The following TMED1 variants were observed in gnomAD, a reference collection of about 807,000 sequenced individuals.
TMED1 encodes the protein transmembrane p24 trafficking protein 1.
In TMED1, 20 loss-of-function variants were observed where a neutral mutation model predicts 21.2. That is an observed-to-expected ratio of 0.95 (90% CI 0.67 to 1.37). TMED1 has a LOEUF of 1.37. Among genes scored for constraint, TMED1 ranks in the 40% most tolerant of loss-of-function variants. The pLI, the probability that TMED1 is intolerant of heterozygous loss-of-function variation, is 0.00. For synonymous variants in TMED1, 149 were observed against 134.7 expected (o/e 1.11, Z -0.74); for missense variants, 316 against 309.8 (o/e 1.02, Z -0.15).
At chr19:10,835,546 G>A (rs748527940) in intron 1 of TMED1, 193 bp from the exon 2 acceptor site, 2 of 1,445,316 alleles carry the variant, frequency 1.4e-6, no homozygotes, top group African/African-American at 2.8e-5. Context: ...ATGACAGCTT[G>A]GGGTCCATAC....
rs756483090 is a variant in TMED1, at chr19:10,833,104, C to T, written c.575G>A (p.Arg192Gln). 9.9e-6 allele frequency: 16 copies of T among 1,613,968 alleles called. No individual in the cohort carries two copies. Among genetic ancestry groups the T allele is most frequent in the African/African-American group, 1.3e-5 (1 of 74,950 alleles). Residue 192 changes from arginine (R) to glutamine (Q), a missense_variant, in exon 4 of 4, where the codon CGG (arginine) becomes CAG (glutamine). By Grantham distance (43) the Arg-to-Gln change is conservative. Transcript: ENST00000214869. The stretch of plus-strand genomic sequence containing the variant: ...GTTGACAGCTGACCAGAAGTTGACC[C>T]GCTCCAAGTTGCCCTCTTGCAGGTT... Reference protein sequence around the residue: ...DRNLQEGNLERVNFWSAVNVA... With the variant: ...DRNLQEGNLEQVNFWSAVNVA...
Position 10,836,168 on chromosome 19 carries a change from T to A in TMED1, c.24A>T (p.Leu8=). The change falls in exon 1 of 4, where the codon CTA becomes CTT. Residue 8 remains leucine (L), a synonymous_variant. Transcript: ENST00000214869. ...GCATTAGTAGCCACAAGGCCAGGGCTAGGGCCGCGCCGGCCGCCATCATCC... is the reference window on the plus strand; with the variant it reads ...GCATTAGTAGCCACAAGGCCAGGGCAAGGGCCGCGCCGGCCGCCATCATCC... MMAAGAA[L]ALALWLLMPP... 6.4e-7 allele frequency: 1 copy of A among 1,557,156 alleles called. No homozygotes were observed. Among genetic ancestry groups the A allele is most frequent in the South Asian group, 1.2e-5 (1 of 85,048 alleles).
At chr19:10,835,676 G>A in intron 1 of TMED1, 1 of 1,400,770 alleles carries the variant, frequency 7.1e-7, no homozygotes, top group South Asian at 1.6e-5. Context: ...TAACCCCCGA[G>A]AAAGGCCTGT....
In TMED1 at chr19:10,832,422, A is replaced by G. The variant is rs576337322; in HGVS notation, c.*573T>C. The G allele has an allele frequency of 2.6e-6, 3 of 1,164,682 alleles. No homozygotes were observed. Among genetic ancestry groups the G allele is most frequent in the Non-Finnish European group, 3.4e-6 (3 of 877,920 alleles). The allele number at this position is 1,164,682 out of a possible 1,614,324, so 72.1% of individuals were successfully genotyped here. On this transcript the variant is annotated 3_prime_UTR_variant, in exon 4 of 4. Transcript: ENST00000214869. Reference sequence around the variant, plus strand: ...GTCCTGGCTGGTGTCCCTGAGCCCCAATCAGCAGGCTCTTGTGATTTTCTG... The same window carrying G: ...GTCCTGGCTGGTGTCCCTGAGCCCCGATCAGCAGGCTCTTGTGATTTTCTG...
Position 10,835,061 on chromosome 19 carries a change from G to A in TMED1, c.338C>T (p.Thr113Ile). 6 of 1,614,230 alleles carry A rather than the reference G, an allele frequency of 3.7e-6. No homozygotes were observed. Among genetic ancestry groups the A allele is most frequent in the Non-Finnish European group, 5.1e-6 (6 of 1,180,028 alleles). The change falls in exon 3 of 4, where the codon ACC becomes ATC. Residue 113 changes from threonine (T) to isoleucine (I), a missense_variant. Coordinates refer to ENST00000214869, the MANE Select transcript of TMED1 (RefSeq NM_006858.4). ...YKLCFDNSFS[T>I]ISEKLVFFEL... ...AAAGAACACCAGCTTCTCGGAGATG[G>A]TGCTGAAGGAGTTGTCAAAGCACAG...
At chr19:10,835,585 T>A in intron 1 of TMED1, 2 of 1,419,594 alleles carry the variant, frequency 1.4e-6, no homozygotes, top group African/African-American at 1.4e-5. Flanking sequence ...CTACCAAAAG[T>A]ACTTAATGGA....
intron 2 of TMED1, 47 bp from the exon 3 acceptor site, chr19:10,835,164 G>T (rs751234875): frequency 1.9e-6 from 3 of 1,610,178 alleles, no homozygotes; most frequent in African/African-American, 2.7e-5. Flanking sequence ...CCAGCCAGCC[G>T]ACTCAGCGGG....
At chr19:10,835,780 G>T in intron 1 of TMED1, 1 of 1,418,520 alleles carries the variant, frequency 7.0e-7, no homozygotes, top group Non-Finnish European at 9.2e-7. Flanking sequence ...ACTTATCGAT[G>T]GCCCCGCCCC....
intron 3 of TMED1, 79 bp downstream of exon 3, chr19:10,834,855 G>A (rs752767656): frequency 4.7e-6 from 7 of 1,496,954 alleles, no homozygotes; most frequent in Non-Finnish European, 6.3e-6. Flanking sequence ...CGGAGGGGAG[G>A]CTGGGTCAGC....
chr19:10,835,978 T>G (rs780383501), intron 1 of TMED1, 31 bp downstream of exon 1: 4 of 1,546,620 alleles, frequency 2.6e-6, no homozygotes, highest in South Asian at 2.4e-5. Flanking sequence ...TCTCCCTGAC[T>G]CTGCTGGCCG....
chr19:10,832,308 C>T lies in TMED1; in HGVS notation c.*687G>A. 2 of 1,289,806 alleles carry T rather than the reference C, an allele frequency of 1.6e-6. No homozygotes were observed. The highest frequency in any genetic ancestry group is 2.0e-6 in the Non-Finnish European group (2 of 988,856). The allele number at this position is 1,289,806 out of a possible 1,614,324, so 79.9% of individuals were successfully genotyped here. On this transcript the variant is annotated 3_prime_UTR_variant, in exon 4 of 4. Transcript: ENST00000214869. ...CTGATTTTTCTCTTGTGCCAGGCGA[C>T]CACCTCCATCGGCTCCCGCACGACC...
At position 10,832,800 on chromosome 19, in the gene TMED1, T is replaced by G; in HGVS notation, c.*195A>C. Reference sequence around the variant, plus strand: ...TTTCCAGGACCGTCGGTGCAGCCACTGAGCCGTCCCTTCTACAAGCCAGAG... The same window carrying G: ...TTTCCAGGACCGTCGGTGCAGCCACGGAGCCGTCCCTTCTACAAGCCAGAG... On this transcript the variant is annotated 3_prime_UTR_variant, in exon 4 of 4. Coordinates refer to ENST00000214869, the MANE Select transcript of TMED1 (RefSeq NM_006858.4). 1.6e-6 allele frequency: 1 copy of G among 636,078 alleles called. No individual in the cohort carries two copies. The highest frequency in any genetic ancestry group is 1.9e-5 in the South Asian group (1 of 51,302). 39.4% of individuals were successfully genotyped at this position (636,078 alleles called of 1,614,324 possible). A position where few individuals can be genotyped will look rare whatever the true frequency, so the allele number is the denominator to read the frequency against.
intron 1 of TMED1, chr19:10,835,724 C>G (rs909054091): frequency 1.3e-5 from 19 of 1,407,462 alleles, no homozygotes; most frequent in Admixed American, 3.0e-5. Flanking sequence ...TCAGCACTAT[C>G]GCCACGCCCA....
intron 1 of TMED1, 93 bp from the exon 2 acceptor site, chr19:10,835,446 G>T: frequency 6.4e-7 from 1 of 1,562,322 alleles, no homozygotes. Flanking sequence ...GATCAATACA[G>T]ACCACCAAGG....
intron 1 of TMED1, 114 bp downstream of exon 1, chr19:10,835,895 C>T: frequency 7.0e-7 from 1 of 1,436,108 alleles, no homozygotes. Context: ...GCTCCGCCCC[C>T]GCGCTCCCAA....
In TMED1 at chr19:10,835,900, T is replaced by C. The variant is rs1236497586; in HGVS notation, c.183+109A>G. 5 of 1,426,638 alleles carry C rather than the reference T, an allele frequency of 3.5e-6. No homozygotes were observed. In the African/African-American group the frequency reaches 7.3e-5, roughly 21 times the overall value. 88.4% of individuals were successfully genotyped at this position (1,426,638 alleles called of 1,614,324 possible). A position where few individuals can be genotyped will look rare whatever the true frequency, so the allele number is the denominator to read the frequency against. On this transcript the variant is annotated intron_variant, in intron 1 of 3. Transcript: ENST00000214869. ...TCTCTTTCTAGCTCCGCCCCCGCGC[T>C]CCCAAGCACGGATTCCTCCCCCTTC...
chr19:10,835,252 T>C lies in TMED1; in HGVS notation c.281+4A>G. On this transcript the variant is annotated splice_donor_region_variant and intron_variant, in intron 2 of 3. Transcript: ENST00000214869. ...ACCCAGGCAGGCATCAAGACTGAAC[T>C]CACGTGTGTACCCCATCAGCCTTGC... The C allele has an allele frequency of 6.2e-7, 1 of 1,614,074 alleles. No homozygotes were observed. The highest frequency in any genetic ancestry group is 8.5e-7 in the Non-Finnish European group (1 of 1,179,998).
Position 10,836,039 on chromosome 19 carries a change from C to A in TMED1, c.153G>T (p.Pro51=). 1 of 1,595,776 alleles carries A rather than the reference C, an allele frequency of 6.3e-7. No homozygotes were observed. The highest frequency in any genetic ancestry group is 1.1e-5 in the South Asian group (1 of 88,810). ...ATTCGGTCTCGAGGCTTGCGTTGGC[C>A]GGCGCGGACTGGTAGAAACACTGCT... is the stretch of plus-strand genomic sequence containing the variant. ...GRKQCFYQSA[P]ANASLETEYQ... The change falls in exon 1 of 4, where the codon CCG becomes CCT. Residue 51 remains proline, a synonymous_variant. Coordinates refer to ENST00000214869, the MANE Select transcript of TMED1 (RefSeq NM_006858.4).
Position 10,835,250 on chromosome 19 carries a change from A to G in TMED1, c.281+6T>C. Reference sequence around the variant, plus strand: ...GAACCCAGGCAGGCATCAAGACTGAACTCACGTGTGTACCCCATCAGCCTT... The same window carrying G: ...GAACCCAGGCAGGCATCAAGACTGAGCTCACGTGTGTACCCCATCAGCCTT... On this transcript the variant is annotated splice_donor_region_variant and intron_variant, in intron 2 of 3. Transcript: ENST00000214869. 6.2e-7 allele frequency: 1 copy of G among 1,614,022 alleles called. No individual in the cohort carries two copies. The highest frequency in any genetic ancestry group is 8.5e-7 in the Non-Finnish European group (1 of 1,179,996).
Sources: allele counts gnomAD v4.1 joint callset, GRCh38; gene constraint gnomAD v4.1.1; transcripts MANE v1.5; gene names NCBI Gene and HGNC (gene_info 2026-07-23, HGNC 2026-07-21).